NHLRC2: variants seen among roughly 807,000 people sequenced by gnomAD.
NHLRC2 encodes NHL repeat-containing protein 2.
In NHLRC2, 33 loss-of-function variants were observed where a neutral mutation model predicts 68.1. The observed-to-expected ratio is 0.48, with a 90% CI of 0.37 to 0.65. NHLRC2 has a LOEUF of 0.65. Ranked by LOEUF, NHLRC2 falls within the 30% of genes least tolerant of loss-of-function variation. The pLI, the probability that NHLRC2 is intolerant of heterozygous loss-of-function variation, is 0.00. For missense variants in NHLRC2, 761 were observed against 853.8 expected, an observed-to-expected ratio of 0.89 and a Z score of 1.35; for synonymous variants, 311 against 309.6, an observed-to-expected ratio of 1.00 and a Z score of -0.05.
chr10:113,887,691 G>C (rs185911299), intron 5 of NHLRC2, among the ~76,000 whole-genome samples: 106 of 152,256 alleles, frequency 7.0e-4, no homozygotes, highest in South Asian at 3.5e-3. Flanking sequence ...AGAATCACTT[G>C]AACCCGGGAG....
At chr10:113,864,589 A>G (rs1277688099) in intron 2 of NHLRC2, among the ~76,000 whole-genome samples, 1 of 150,832 alleles carries the variant, frequency 6.6e-6, no homozygotes, top group Non-Finnish European at 1.5e-5. Context: ...CCCAACTACT[A>G]GGGAGGCTGA....
intron 6 of NHLRC2, among the ~76,000 whole-genome samples, chr10:113,899,284 A>C (rs1272447745): frequency 6.6e-6 from 1 of 152,254 alleles, no homozygotes; most frequent in African/African-American, 2.4e-5. Context: ...TTTGAGGATA[A>C]ATGAATAAAA....
chr10:113,907,662 G>T (rs982189716), intron 10 of NHLRC2, among the ~76,000 whole-genome samples: 1 of 152,032 alleles, frequency 6.6e-6, no homozygotes, highest in Non-Finnish European at 1.5e-5. Context: ...AGAGTTTTAC[G>T]TATTATAATG....
chr10:113,897,425 T>C (rs1187334431), intron 5 of NHLRC2, among the ~76,000 whole-genome samples: 2 of 152,210 alleles, frequency 1.3e-5, no homozygotes, highest in South Asian at 2.1e-4. Context: ...TTTGTAAATG[T>C]ATTTATGTTT....
intron 5 of NHLRC2, among the ~76,000 whole-genome samples, chr10:113,888,858 G>A (rs911460829): frequency 7.1e-6 from 1 of 141,122 alleles, no homozygotes; most frequent in Non-Finnish European, 1.5e-5. Flanking sequence ...ACTGAGGCTC[G>A]CCATATCACC....
chr10:113,881,708 A>G (rs914230220), intron 4 of NHLRC2, among the ~76,000 whole-genome samples: 8 of 151,748 alleles, frequency 5.3e-5, no homozygotes, highest in African/African-American at 1.7e-4. Context: ...TTATTGTGCT[A>G]TATTTTATGT....
At chr10:113,893,586 A>C (rs1157296955) in intron 5 of NHLRC2, among the ~76,000 whole-genome samples, 2 of 152,186 alleles carry the variant, frequency 1.3e-5, no homozygotes, top group Non-Finnish European at 2.9e-5. Context: ...AATTCCAAAC[A>C]CCTGAACCCT....
intron 5 of NHLRC2, among the ~76,000 whole-genome samples, chr10:113,892,446 G>C (rs1055502110): frequency 4.6e-5 from 7 of 151,968 alleles, no homozygotes; most frequent in Non-Finnish European, 8.8e-5. Flanking sequence ...GTATGTATGA[G>C]GTTTGTTGTG....
At chr10:113,878,839 T>G (rs1020367499) in intron 3 of NHLRC2, among the ~76,000 whole-genome samples, 3 of 152,140 alleles carry the variant, frequency 2.0e-5, no homozygotes, top group Admixed American at 1.3e-4. Flanking sequence ...TTGGGTTTGT[T>G]TTCTAGCCAC....
rs1425558044 is a variant in NHLRC2 at position 113,854,929 on chromosome 10, C to T, written c.57C>T (p.Thr19=). The T allele has an allele frequency of 7.7e-6, 12 of 1,554,414 alleles. No homozygotes were observed. In the South Asian group the frequency reaches 1.3e-4, roughly 17 times the overall value. The change falls in exon 1 of 11, where the codon ACC becomes ACT. Residue 19 remains threonine, a synonymous_variant. Coordinates refer to ENST00000369301, the MANE Select transcript of NHLRC2 (RefSeq NM_198514.4). ...RSLSGLLPAQ[T]SLEYALLDAV... The stretch of plus-strand genomic sequence containing the variant: ...TCTCCGGCCTGCTCCCCGCGCAGAC[C>T]TCGCTAGAGTACGCCCTGCTCGACG...
chr10:113,857,946 G>A lies in NHLRC2; in HGVS notation c.179-582G>A, dbSNP rs182615753. On this transcript the variant is annotated intron_variant, in intron 1 of 10. Coordinates refer to ENST00000369301, the MANE Select transcript of NHLRC2 (RefSeq NM_198514.4). ...ACATTTCACTCCTTTTTGATGTTTAGTTATATCTTACTATTCTTAAGCTTG... is the reference window on the plus strand; with the variant it reads ...ACATTTCACTCCTTTTTGATGTTTAATTATATCTTACTATTCTTAAGCTTG... 3.5e-3 allele frequency among the ~76,000 whole-genome samples: 527 copies of A among 151,138 alleles called. 3 individuals are homozygous for A. The highest frequency in any genetic ancestry group is 0.012 in the African/African-American group (495 of 41,198).
intron 2 of NHLRC2, among the ~76,000 whole-genome samples, chr10:113,874,456 GT>G (rs1845960355): frequency 7.2e-6 from 1 of 138,004 alleles, no homozygotes; most frequent in Non-Finnish European, 1.5e-5. Context: ...GTGTGTGTGT[GT>G]GTGTGTGTGT....
rs1846345894 is a variant in NHLRC2 at position 113,913,233 on chromosome 10, T to C, written c.*4697T>C. ...GGAGTCTGTTCAACTCTCTGCTGTA[T>C]TGCCTCTTAAAGTAGGTTTTCTTAA... is the stretch of plus-strand genomic sequence containing the variant. On this transcript the variant is annotated 3_prime_UTR_variant, in exon 11 of 11. Coordinates refer to ENST00000369301, the MANE Select transcript of NHLRC2 (RefSeq NM_198514.4). 6.6e-6 allele frequency: 1 copy of C among 152,214 alleles called. No homozygotes were observed. The highest frequency in any genetic ancestry group is 1.5e-5 in the Non-Finnish European group (1 of 68,030). The allele number at this position is 152,214 out of a possible 1,614,324, so 9.4% of individuals were successfully genotyped here.
At chr10:113,903,478 A>G (rs1846245829) in intron 8 of NHLRC2, 49 bp from the exon 9 acceptor site, 1 of 1,157,746 alleles carries the variant, frequency 8.6e-7, no homozygotes, top group Non-Finnish European at 1.3e-6. Flanking sequence ...CATACAACAA[A>G]CATGAGATTG....
chr10:113,875,741 A>G (rs557058260), intron 2 of NHLRC2, among the ~76,000 whole-genome samples: 13 of 152,166 alleles, frequency 8.5e-5, no homozygotes, highest in African/African-American at 1.2e-4. Flanking sequence ...TAATAGAAGC[A>G]TGAGCTGCTG....
intron 6 of NHLRC2, among the ~76,000 whole-genome samples, chr10:113,899,009 C>G (rs1305008011): frequency 6.6e-6 from 1 of 152,022 alleles, no homozygotes; most frequent in Non-Finnish European, 1.5e-5. Context: ...AGACCCTTTC[C>G]TCTTCCCCCA....
chr10:113,909,619 C>T lies in NHLRC2; in HGVS notation c.*1083C>T, dbSNP rs377253302. 3 of 151,380 alleles carry T rather than the reference C, an allele frequency of 2.0e-5. No individual in the cohort carries two copies. In the East Asian group the frequency reaches 5.8e-4, roughly 29 times the overall value. The allele number at this position is 151,380 out of a possible 1,614,324, so 9.4% of individuals were successfully genotyped here. On this transcript the variant is annotated 3_prime_UTR_variant, in exon 11 of 11. Transcript: ENST00000369301. ...ATATTAGTCTTCAAAATATTAAGGC[C>T]GAAACAGTGATTTAATGATACTATT...
chr10:113,862,588 C>G (rs543373235), intron 2 of NHLRC2, among the ~76,000 whole-genome samples: 8 of 151,832 alleles, frequency 5.3e-5, no homozygotes, highest in Non-Finnish European at 1.0e-4. Flanking sequence ...TCAATAATTA[C>G]TTTAAATGTA....
intron 5 of NHLRC2, among the ~76,000 whole-genome samples, chr10:113,887,150 C>T (rs1218497958): frequency 6.6e-6 from 1 of 152,022 alleles, no homozygotes; most frequent in African/African-American, 2.4e-5. Context: ...AGAATTAAAG[C>T]AATGATGTGA....
Sources: gnomAD v4.1 joint callset for allele counts (sites outside exome capture counted in the v4.1 genomes callset) on GRCh38, gnomAD v4.1.1 for gene constraint, MANE v1.5 for transcripts, NCBI Gene and HGNC (gene_info 2026-07-23, HGNC 2026-07-21) for gene names.